Variants in WDFY3 observed in about 807,000 individuals in gnomAD.
The protein encoded by WDFY3 is WD repeat and FYVE domain containing 3, also known as WD repeat and FYVE domain-containing protein 3.
A neutral mutation model predicts 409.6 loss-of-function variants in WDFY3; 66 were observed. The observed-to-expected ratio is 0.16, with a 90% CI of 0.13 to 0.20. The LOEUF is 0.20. Ranked by LOEUF, WDFY3 falls within the 10% of genes least tolerant of loss-of-function variation. The probability of loss-of-function intolerance (pLI) is 1.00; values close to 1 mark genes in which losing one functional copy is unlikely to be tolerated. For synonymous variants in WDFY3, 1,521 were observed against 1,537.1 expected (o/e 0.99, Z 0.25); for missense variants, 3,031 against 4,298.1 (o/e 0.71, Z 8.24).
At chr4:84,782,448 C>T (rs897534242) in intron 25 of WDFY3, among the ~76,000 whole-genome samples, 23 of 151,954 alleles carry the variant, frequency 1.5e-4, no homozygotes, top group Non-Finnish European at 2.8e-4. Context: ...TAAACATGTG[C>T]CATGGTGGTT....
intron 62 of WDFY3, among the ~76,000 whole-genome samples, chr4:84,685,684 A>T (rs181054046): frequency 8.3e-4 from 126 of 152,314 alleles, no homozygotes; most frequent in African/African-American, 2.9e-3. Context: ...GTGTAAACTG[A>T]AGTAAAGCAG....
chr4:84,702,638 G>T, intron 55 of WDFY3, 132 bp from the exon 56 acceptor site: 2 of 711,118 alleles, frequency 2.8e-6, no homozygotes, highest in Non-Finnish European at 4.2e-6. Flanking sequence ...CATTAAATAC[G>T]CACAAATTTT....
intron 4 of WDFY3, among the ~76,000 whole-genome samples, chr4:84,859,130 G>A (rs1259450094): frequency 6.6e-6 from 1 of 152,074 alleles, no homozygotes. Flanking sequence ...ACAAAGACAT[G>A]CAGAGAAAGA....
At chr4:84,767,111 CA>C (rs1743786991) in intron 30 of WDFY3, among the ~76,000 whole-genome samples, 2 of 151,998 alleles carry the variant, frequency 1.3e-5, no homozygotes, top group African/African-American at 4.8e-5. Flanking sequence ...CCAATCAGGC[CA>C]TTTTTTTTTT....
chr4:84,763,079 A>G (rs953399220), intron 32 of WDFY3, among the ~76,000 whole-genome samples: 53 of 152,262 alleles, frequency 3.5e-4, no homozygotes, highest in African/African-American at 1.3e-3. Context: ...TGGCATTCTC[A>G]TTTTCCTCTC....
At chr4:84,738,451 A>AG (rs1737837730) in intron 40 of WDFY3, among the ~76,000 whole-genome samples, 2 of 152,058 alleles carry the variant, frequency 1.3e-5, no homozygotes, top group African/African-American at 4.8e-5. Context: ...ACAAAAAAAA[A>AG]TTAAGCCAGG....
intron 17 of WDFY3, among the ~76,000 whole-genome samples, chr4:84,801,006 G>T (rs1050864853): frequency 6.6e-6 from 1 of 152,186 alleles, no homozygotes; most frequent in Non-Finnish European, 1.5e-5. Context: ...TATGGAGATG[G>T]AGAACAGATC....
intron 12 of WDFY3, among the ~76,000 whole-genome samples, chr4:84,818,916 G>A (rs1753692677): frequency 6.6e-6 from 1 of 152,050 alleles, no homozygotes; most frequent in Non-Finnish European, 1.5e-5. Flanking sequence ...CAACTTCTAG[G>A]TCGTCTCAAG....
At chr4:84,868,858 A>G (rs1034339886) in intron 3 of WDFY3, among the ~76,000 whole-genome samples, 6 of 152,232 alleles carry the variant, frequency 3.9e-5, no homozygotes, top group African/African-American at 1.4e-4. Context: ...TTAATACAGT[A>G]TAATTCAATT....
intron 2 of WDFY3, among the ~76,000 whole-genome samples, chr4:84,900,040 C>T (rs2150601616): frequency 6.6e-6 from 1 of 152,004 alleles, no homozygotes; most frequent in African/African-American, 2.4e-5. Flanking sequence ...AAAGCCAAGA[C>T]CCTGTTTCAA....
chr4:84,841,029 T>C (rs1757275783), intron 6 of WDFY3, 125 bp downstream of exon 6: 1 of 806,136 alleles, frequency 1.2e-6, no homozygotes, highest in South Asian at 1.9e-5. Flanking sequence ...TTAAAAAAGT[T>C]AGAAGAATAC....
intron 3 of WDFY3, among the ~76,000 whole-genome samples, chr4:84,860,932 C>T (rs539027180): frequency 8.5e-4 from 130 of 152,108 alleles, no homozygotes; most frequent in African/African-American, 3.0e-3. Context: ...ATAAAGGCGC[C>T]GGGAATAGTG....
At chr4:84,921,161 C>T (rs939526608) in intron 2 of WDFY3, among the ~76,000 whole-genome samples, 2 of 152,184 alleles carry the variant, frequency 1.3e-5, no homozygotes, top group East Asian at 1.9e-4. Context: ...GCTGGTATAA[C>T]ATAATTGATA....
chr4:84,963,013 CCA>C (rs1357868799), intron 1 of WDFY3, among the ~76,000 whole-genome samples: 1 of 151,672 alleles, frequency 6.6e-6, no homozygotes, highest in African/African-American at 2.4e-5. Context: ...GATAAATACA[CCA>C]CACACACCAA....
At chr4:84,690,748 G>A in intron 60 of WDFY3, 84 bp from the exon 61 acceptor site, 2 of 1,461,668 alleles carry the variant, frequency 1.4e-6, no homozygotes, top group Non-Finnish European at 9.1e-7. Flanking sequence ...ATTGAGTGAA[G>A]GTGCAGGCAC....
intron 2 of WDFY3, among the ~76,000 whole-genome samples, chr4:84,927,340 C>T (rs1770135153): frequency 6.6e-6 from 1 of 152,136 alleles, no homozygotes; most frequent in Non-Finnish European, 1.5e-5. Flanking sequence ...CAGACACACA[C>T]ACACCTTATA....
intron 3 of WDFY3, among the ~76,000 whole-genome samples, chr4:84,894,322 T>A (rs1385061334): frequency 6.6e-6 from 1 of 152,192 alleles, no homozygotes; most frequent in Non-Finnish European, 1.5e-5. Context: ...TATAAGTGAT[T>A]TGCATGAAAA....
chr4:84,945,138 C>T (rs1579236847), intron 1 of WDFY3, among the ~76,000 whole-genome samples: 1 of 152,134 alleles, frequency 6.6e-6, no homozygotes, highest in Non-Finnish European at 1.5e-5. Context: ...AGATGACCCA[C>T]ATCACAGACC....
intron 1 of WDFY3, among the ~76,000 whole-genome samples, chr4:84,943,583 A>G (rs1772419003): frequency 6.6e-6 from 1 of 152,204 alleles, no homozygotes; most frequent in Admixed American, 6.5e-5. Context: ...TATCAGTAAC[A>G]CTATCAGTAA....
Sources: gnomAD v4.1 joint callset for allele counts (sites outside exome capture counted in the v4.1 genomes callset) on GRCh38, gnomAD v4.1.1 for gene constraint, MANE v1.5 for transcripts, NCBI Gene and HGNC (gene_info 2026-07-23, HGNC 2026-07-21) for gene names.